The following RPS6KA3 variants were observed in gnomAD, a reference collection of about 807,000 sequenced individuals.
RPS6KA3 encodes ribosomal protein S6 kinase alpha-3.
A neutral mutation model predicts 67.2 loss-of-function variants in RPS6KA3; 4 were observed. The ratio of observed to expected loss-of-function variants is 0.06; its 90% CI spans 0.03 to 0.14. The LOEUF (loss-of-function observed/expected upper bound fraction) is 0.14. Ranked by LOEUF, RPS6KA3 falls within the 10% of genes least tolerant of loss-of-function variation. The probability of loss-of-function intolerance (pLI) is 1.00; values close to 1 mark genes in which losing one functional copy is unlikely to be tolerated. For missense variants in RPS6KA3, 204 were observed against 559.0 expected, an observed-to-expected ratio of 0.36 and a Z score of 6.40; for synonymous variants, 182 against 183.7, an observed-to-expected ratio of 0.99 and a Z score of 0.07.
intron 10 of RPS6KA3, among the ~76,000 whole-genome samples, chrX:20,180,847 C>A (rs900920233): frequency 8.9e-6 from 1 of 112,186 alleles, no homozygotes; most frequent in East Asian, 2.8e-4. Context: ...CATTCTTTGA[C>A]AAGATAAATC....
intron 2 of RPS6KA3, among the ~76,000 whole-genome samples, chrX:20,228,457 TA>T (rs2069177052): frequency 9.0e-6 from 1 of 111,405 alleles, no homozygotes; most frequent in African/African-American, 3.3e-5. Context: ...CACCATTCAG[TA>T]ATAGGTTTTC....
At chrX:20,211,418 A>C (rs914111436) in intron 2 of RPS6KA3, among the ~76,000 whole-genome samples, 1 of 110,727 alleles carries the variant, frequency 9.0e-6, no homozygotes, top group Admixed American at 9.6e-5. Context: ...TTACCATTAC[A>C]CCACACTGAG....
intron 2 of RPS6KA3, among the ~76,000 whole-genome samples, chrX:20,213,246 G>A (rs1332301691): frequency 1.8e-5 from 2 of 111,483 alleles, no homozygotes; most frequent in Non-Finnish European, 3.8e-5. Context: ...ATAGCTTATG[G>A]TGAAAAGCAA....
intron 4 of RPS6KA3, among the ~76,000 whole-genome samples, chrX:20,201,499 T>C (rs1426588584): frequency 9.0e-6 from 1 of 111,521 alleles, no homozygotes; most frequent in Non-Finnish European, 1.9e-5. Flanking sequence ...TCCCCAAAGA[T>C]TATTTATCTC....
At chrX:20,156,394 GA>G (rs1264554078) in intron 20 of RPS6KA3, 145 bp from the exon 21 acceptor site, 11 of 619,633 alleles carry the variant, frequency 1.8e-5, no homozygotes, top group African/African-American at 4.5e-5. Flanking sequence ...TAATTTGGGG[GA>G]AAAAAAATCA....
chrX:20,166,708 CCCTT>C (rs2067445910), intron 17 of RPS6KA3, among the ~76,000 whole-genome samples: 1 of 104,858 alleles, frequency 9.5e-6, no homozygotes, highest in African/African-American at 3.5e-5. Flanking sequence ...TCCCAGACTT[CCCTT>C]CTTTTTTTTT....
At chrX:20,234,941 G>C in intron 1 of RPS6KA3, 127 bp from the exon 2 acceptor site, 1 of 518,588 alleles carries the variant, frequency 1.9e-6, no homozygotes, top group Non-Finnish European at 3.5e-6. Context: ...TAATGAAGTA[G>C]AACCACCATA....
At chrX:20,223,256 C>T (rs1044579334) in intron 2 of RPS6KA3, among the ~76,000 whole-genome samples, 6 of 111,285 alleles carry the variant, frequency 5.4e-5, no homozygotes, top group African/African-American at 2.0e-4. Context: ...AACTCATTTT[C>T]GGGACTATGC....
At chrX:20,228,672 G>A (rs989254129) in intron 2 of RPS6KA3, among the ~76,000 whole-genome samples, 1 of 111,139 alleles carries the variant, frequency 9.0e-6, no homozygotes, top group Non-Finnish European at 1.9e-5. Flanking sequence ...AGTACCTGGC[G>A]ACCCCATTTT....
intron 1 of RPS6KA3, among the ~76,000 whole-genome samples, chrX:20,262,399 T>C (rs1242139455): frequency 8.9e-6 from 1 of 112,093 alleles, no homozygotes; most frequent in African/African-American, 3.2e-5. Context: ...ATGCCACCTG[T>C]CTTATTAAAA....
intron 4 of RPS6KA3, among the ~76,000 whole-genome samples, chrX:20,195,648 A>T (rs1434036730): frequency 8.9e-6 from 1 of 112,329 alleles, no homozygotes; most frequent in African/African-American, 3.2e-5. Context: ...AGGAAGCAAG[A>T]GGGAGAGAGA....
intron 1 of RPS6KA3, among the ~76,000 whole-genome samples, chrX:20,248,408 A>G (rs1463747074): frequency 8.9e-6 from 1 of 112,178 alleles, no homozygotes; most frequent in African/African-American, 3.2e-5. Context: ...TTAAGGACAT[A>G]CCCTTTTATT....
chrX:20,189,839 A>T (rs1043183687), intron 7 of RPS6KA3, among the ~76,000 whole-genome samples: 22 of 112,427 alleles, frequency 2.0e-4, no homozygotes, highest in Non-Finnish European at 2.8e-4. Context: ...TCTATTTCAT[A>T]AATGCAAACA....
intron 4 of RPS6KA3, among the ~76,000 whole-genome samples, chrX:20,198,819 TATCTTTATGCTCATTTTTAAGGTATGATA>T (rs1241451911): frequency 5.3e-5 from 6 of 112,324 alleles, no homozygotes; most frequent in Non-Finnish European, 9.4e-5. Flanking sequence ...AAAGACTGGA[TATCTTTATGCTCATTTTTAAGGTATGATA>T]ATACAGTTGA....
chrX:20,250,832 C>G (rs903291557), intron 1 of RPS6KA3, among the ~76,000 whole-genome samples: 11 of 111,914 alleles, frequency 9.8e-5, no homozygotes, highest in Non-Finnish European at 2.1e-4. Context: ...GTTTTCTATA[C>G]TATCTTTAGG....
Position 20,222,344 on chromosome X carries a change from T to C in RPS6KA3, c.126+12414A>G, listed in dbSNP as rs1358783832. Among the ~76,000 whole-genome samples the C allele has an allele frequency of 3.6e-5, 4 of 112,076 alleles. No homozygotes were observed. In the East Asian group the frequency reaches 8.4e-4, roughly 24 times the overall value. On this transcript the variant is annotated intron_variant, in intron 2 of 21. Coordinates refer to ENST00000379565, the MANE Select transcript of RPS6KA3 (RefSeq NM_004586.3). ...GACCCAAGAAATTTGGGTTTGGATTTTATTTCAAGTGTAATGGGAAGCTAA... is the reference window on the plus strand; with the variant it reads ...GACCCAAGAAATTTGGGTTTGGATTCTATTTCAAGTGTAATGGGAAGCTAA...
intron 14 of RPS6KA3, among the ~76,000 whole-genome samples, chrX:20,174,365 T>C (rs1489678926): frequency 3.0e-5 from 3 of 98,826 alleles, no homozygotes; most frequent in African/African-American, 3.9e-5. Context: ...TTTTTTTTTT[T>C]CTGAGACAGA....
intron 9 of RPS6KA3, among the ~76,000 whole-genome samples, 157 bp from the exon 10 acceptor site, chrX:20,186,523 A>G (rs1032990119): frequency 1.8e-5 from 2 of 111,150 alleles, no homozygotes; most frequent in Middle Eastern, 4.2e-3. Flanking sequence ...TTCGTTACTG[A>G]AGTTCTTGAT....
chrX:20,172,970 A>G, intron 14 of RPS6KA3, 99 bp from the exon 15 acceptor site: 1 of 656,232 alleles, frequency 1.5e-6, no homozygotes, highest in Non-Finnish European at 2.4e-6. Context: ...GATGCCCTAC[A>G]TATAAATGAA....
Sources: gnomAD v4.1 joint callset for allele counts (sites outside exome capture counted in the v4.1 genomes callset) on GRCh38, gnomAD v4.1.1 for gene constraint, MANE v1.5 for transcripts, NCBI Gene and HGNC (gene_info 2026-07-23, HGNC 2026-07-21) for gene names.